The following VDR variants were observed in gnomAD, a reference collection of about 807,000 sequenced individuals.
VDR encodes vitamin D receptor, also known as vitamin D3 receptor.
VDR carries 19 observed loss-of-function variants against 39.7 expected under a neutral mutation model. That is an observed-to-expected ratio of 0.48 (90% CI 0.33 to 0.70). The LOEUF (loss-of-function observed/expected upper bound fraction) is 0.70, where lower values mean the gene tolerates loss of function less well. Among genes scored for constraint, VDR ranks in the 30% least tolerant of loss-of-function variants. The probability of loss-of-function intolerance (pLI) is 0.02; values close to 1 mark genes in which losing one functional copy is unlikely to be tolerated. For missense variants in VDR, 442 were observed against 570.5 expected (o/e 0.77, Z 2.29); for synonymous variants, 242 against 215.8 (o/e 1.12, Z -1.07).
intron 9 of VDR, among the ~76,000 whole-genome samples, chr12:47,845,825 C>T (rs1945268918): frequency 6.6e-6 from 1 of 152,220 alleles, no homozygotes; most frequent in Non-Finnish European, 1.5e-5. Flanking sequence ...CATCATGTCC[C>T]CAAGGTCACA....
rs569608472 is a variant in VDR at position 47,879,220 on chromosome 12, C to T, written c.-2-105G>A. 68 of 1,387,180 alleles carry T rather than the reference C, an allele frequency of 4.9e-5. 1 individual carries two copies. In the African/African-American group the frequency reaches 5.7e-4, roughly 12 times the overall value. 85.9% of individuals were successfully genotyped at this position (1,387,180 alleles called of 1,614,324 possible). A position where few individuals can be genotyped will look rare whatever the true frequency, so the allele number is the denominator to read the frequency against. Reference sequence around the variant, plus strand: ...CCAGCCTCATCCCACCGCCCCCACCCCCCACCACCAGGGAGCTCAGCAAGG... The same window carrying T: ...CCAGCCTCATCCCACCGCCCCCACCTCCCACCACCAGGGAGCTCAGCAAGG... On this transcript the variant is annotated intron_variant, in intron 2 of 9. Coordinates refer to ENST00000549336, the MANE Select transcript of VDR (RefSeq NM_000376.3).
Position 47,857,563 on chromosome 12 carries a change from G to A in VDR, c.403C>T (p.Leu135=). 6.2e-7 allele frequency: 1 copy of A among 1,614,226 alleles called. No individual in the cohort carries two copies. Among genetic ancestry groups the A allele is most frequent in the Non-Finnish European group, 8.5e-7 (1 of 1,180,044 alleles). The change falls in exon 5 of 10, where the codon CTG becomes TTG. Residue 135 remains leucine, a synonymous_variant. Coordinates refer to ENST00000549336, the MANE Select transcript of VDR (RefSeq NM_000376.3). ...TAGGTCTTATGGTGGGCGTCCAGCAGTATGGCAATGATGCGCTGCTGCTCC... is the reference window on the plus strand; with the variant it reads ...TAGGTCTTATGGTGGGCGTCCAGCAATATGGCAATGATGCGCTGCTGCTCC... ...SEEQQRIIAI[L]LDAHHKTYDP...
intron 3 of VDR, among the ~76,000 whole-genome samples, chr12:47,873,748 A>G (rs142578954): frequency 4.8e-4 from 73 of 152,268 alleles, no homozygotes; most frequent in African/African-American, 1.6e-3. Context: ...CATATATACT[A>G]TGGTTCTCAT....
At chr12:47,848,764 G>A (rs952873585) in intron 7 of VDR, among the ~76,000 whole-genome samples, 8 of 151,282 alleles carry the variant, frequency 5.3e-5, no homozygotes, top group Non-Finnish European at 8.9e-5. Context: ...ACGGGGTTTC[G>A]CCATGTTGGC....
intron 3 of VDR, among the ~76,000 whole-genome samples, chr12:47,869,491 G>A (rs1349762305): frequency 7.4e-6 from 1 of 135,648 alleles, no homozygotes; most frequent in Admixed American, 8.3e-5. Context: ...AGCTGAGATC[G>A]TGCCACTACA....
intron 8 of VDR, 31 bp from the exon 9 acceptor site, chr12:47,846,482 C>A (rs1193263074): frequency 6.4e-7 from 1 of 1,557,492 alleles, no homozygotes; most frequent in East Asian, 2.4e-5. Context: ...GTACTGCGGG[C>A]AGAGCTGAGG....
chr12:47,875,532 C>G (rs1945982357), intron 3 of VDR, among the ~76,000 whole-genome samples: 2 of 152,100 alleles, frequency 1.3e-5, no homozygotes, highest in African/African-American at 4.8e-5. Context: ...GGTTCTCAAG[C>G]AACTATTTGG....
chr12:47,904,717 C>T, intron 1 of VDR: 2 of 1,374,494 alleles, frequency 1.5e-6, no homozygotes, highest in South Asian at 2.6e-5. Context: ...TTCTCCTAAG[C>T]GCCGAGGATG....
intron 1 of VDR, among the ~76,000 whole-genome samples, chr12:47,889,504 G>A (rs61052939): frequency 0.015 from 2,346 of 152,284 alleles, 55 homozygotes; most frequent in African/African-American, 0.049. Context: ...TTCAGCTCCC[G>A]TGGCCAAAGA....
At chr12:47,860,547 C>T (rs933358529) in intron 4 of VDR, among the ~76,000 whole-genome samples, 2 of 152,182 alleles carry the variant, frequency 1.3e-5, no homozygotes, top group African/African-American at 4.8e-5. Flanking sequence ...GACAGAAAAC[C>T]TTGTAACGGA....
intron 2 of VDR, 85 bp from the exon 3 acceptor site, chr12:47,879,200 C>G (rs1283358574): frequency 8.8e-6 from 13 of 1,484,758 alleles, no homozygotes; most frequent in Non-Finnish European, 1.1e-5. Context: ...CACCCCCAGC[C>G]TCATCCCACC....
At chr12:47,898,422 G>A (rs1210602748) in intron 1 of VDR, 3 of 152,144 alleles carry the variant, frequency 2.0e-5, no homozygotes, top group African/African-American at 7.2e-5. Context: ...TGTTTTTTGG[G>A]ACAACCACTT....
chr12:47,904,880 G>A, intron 1 of VDR, 75 bp downstream of exon 1: 1 of 323,132 alleles, frequency 3.1e-6, no homozygotes, highest in Non-Finnish European at 5.7e-6. Flanking sequence ...GGGCGCTCAG[G>A]CCCCGGTATC....
chr12:47,882,623 G>GGCCCCGGGGCCCCCCCCC, intron 2 of VDR, 71 bp downstream of exon 2: 1 of 543,278 alleles, frequency 1.8e-6, no homozygotes, highest in Non-Finnish European at 3.2e-6. Context: ...ACCTTCTTAT[G>GGCCCCGGGGCCCCCCCCC]CCCCTCCCCC....
At chr12:47,888,779 G>A (rs1450563719) in intron 1 of VDR, among the ~76,000 whole-genome samples, 2 of 152,158 alleles carry the variant, frequency 1.3e-5, no homozygotes, top group Non-Finnish European at 2.9e-5. Flanking sequence ...AAGATGGGGA[G>A]AGGTTGGTTA....
intron 1 of VDR, chr12:47,904,726 T>C: frequency 6.2e-6 from 8 of 1,284,256 alleles, no homozygotes; most frequent in Non-Finnish European, 8.6e-6. Context: ...GCGCCGAGGA[T>C]GTCGCTGCTC....
At chr12:47,863,752 G>A (rs773538884) in intron 4 of VDR, among the ~76,000 whole-genome samples, 2 of 152,194 alleles carry the variant, frequency 1.3e-5, no homozygotes, top group African/African-American at 2.4e-5. Context: ...AGGGCTGCCA[G>A]TGTTGGCTGG....
intron 7 of VDR, among the ~76,000 whole-genome samples, chr12:47,851,439 T>C (rs942026232): frequency 3.9e-5 from 6 of 151,976 alleles, no homozygotes; most frequent in Non-Finnish European, 5.9e-5. Context: ...TGCCCCACGT[T>C]GGTCTCATGC....
chr12:47,855,157 G>A (rs1240272559), intron 7 of VDR, among the ~76,000 whole-genome samples: 4 of 152,096 alleles, frequency 2.6e-5, no homozygotes, highest in South Asian at 2.1e-4. Context: ...GTGAAACCCC[G>A]TCTCTACTAA....
Sources: gnomAD v4.1 joint callset for allele counts (sites outside exome capture counted in the v4.1 genomes callset) on GRCh38, gnomAD v4.1.1 for gene constraint, MANE v1.5 for transcripts, NCBI Gene and HGNC (gene_info 2026-07-23, HGNC 2026-07-21) for gene names.